Variants in GRIK1 observed in about 807,000 individuals in gnomAD.
GRIK1 encodes glutamate receptor ionotropic, kainate 1.
Under a neutral mutation model 105.7 loss-of-function variants are expected in GRIK1, and 69 were observed. That is an observed-to-expected ratio of 0.65 (90% confidence interval 0.54 to 0.80). The LOEUF is 0.80. Among genes scored for constraint, GRIK1 ranks in the 30% least tolerant of loss-of-function variants. GRIK1 has a pLI of 0.00. For missense variants in GRIK1, 1,109 were observed against 1,167.3 expected (o/e 0.95, Z 0.73); for synonymous variants, 438 against 431.3 (o/e 1.02, Z -0.19).
chr21:29,812,008 C>A (rs2067023218), intron 1 of GRIK1, among the ~76,000 whole-genome samples: 1 of 152,296 alleles, frequency 6.6e-6, no homozygotes, highest in East Asian at 1.9e-4. Context: ...TAAAATGGTT[C>A]ATCAACCCCA....
At chr21:29,931,174 C>T (rs1293526003) in intron 1 of GRIK1, among the ~76,000 whole-genome samples, 2 of 152,082 alleles carry the variant, frequency 1.3e-5, no homozygotes, top group Non-Finnish European at 2.9e-5. Flanking sequence ...TATTCAGAGT[C>T]CTTGGTTTTT....
At chr21:29,730,104 G>T (rs896470938) in intron 1 of GRIK1, among the ~76,000 whole-genome samples, 12 of 152,088 alleles carry the variant, frequency 7.9e-5, no homozygotes, top group Non-Finnish European at 1.6e-4. Flanking sequence ...ATGGCAGTTC[G>T]CCCAGTAATT....
rs1258173509 is a variant in GRIK1 at position 29,579,999 on chromosome 21, ATATATATGTATATATATGTG to A, written c.1912+1406_1912+1425del. ...TATATATATGTGTGTATATATATGT[ATATATATGTATATATATGTG>A]TATATATGTATATATGTGTATATAT... On this transcript the variant is annotated intron_variant, in intron 13 of 17. Transcript: ENST00000327783. 5.5e-5 allele frequency among the ~76,000 whole-genome samples: 8 copies of A among 145,582 alleles called. No homozygotes were observed. The East Asian group carries it at 9.8e-4, about 18-fold the overall frequency.
chr21:29,893,664 C>A (rs2069993249), intron 1 of GRIK1, among the ~76,000 whole-genome samples: 1 of 152,152 alleles, frequency 6.6e-6, no homozygotes. Context: ...TTGGTTAGTA[C>A]CGCTTGCGTG....
intron 1 of GRIK1, among the ~76,000 whole-genome samples, chr21:29,932,143 A>G (rs1473518079): frequency 3.3e-5 from 5 of 152,194 alleles, no homozygotes; most frequent in Non-Finnish European, 2.9e-5. Flanking sequence ...CTTTGCCAGG[A>G]TACTAGTAAA....
chr21:29,555,762 A>G (rs1273577482), intron 15 of GRIK1, among the ~76,000 whole-genome samples: 2 of 152,226 alleles, frequency 1.3e-5, no homozygotes, highest in Non-Finnish European at 2.9e-5. Context: ...AGAGCAGTCT[A>G]TTTGTGGCAA....
Position 29,689,851 on chromosome 21 carries a change from C to T in GRIK1, c.421G>A (p.Asp141Asn). Residue 141 changes from aspartate (D) to asparagine (N), a missense_variant, in exon 3 of 18, where the codon GAC becomes AAC. Asp to Asn is a conservative substitution (Grantham distance 23, BLOSUM62 1). Transcript: ENST00000327783. ...IQTRWKHPSVDNKDLFYINLY... is the reference protein window; with the variant it reads ...IQTRWKHPSVNNKDLFYINLY... ...TTGATGTAAAACAAATCTTTGTTGTCCACCGAGGGGTGTTTCCAGCGGGTC... is the reference window on the plus strand; with the variant it reads ...TTGATGTAAAACAAATCTTTGTTGTTCACCGAGGGGTGTTTCCAGCGGGTC... The T allele has an allele frequency of 6.2e-7, 1 of 1,613,962 alleles. No individual in the cohort carries two copies. Among genetic ancestry groups the T allele is most frequent in the East Asian group, 2.2e-5 (1 of 44,872 alleles).
intron 1 of GRIK1, among the ~76,000 whole-genome samples, chr21:29,830,313 ACACACAC>A (rs1569139518): frequency 0.014 from 1,575 of 114,668 alleles, 54 homozygotes; most frequent in African/African-American, 0.039. Context: ...CTCCCCACAC[ACACACAC>A]ACACACACAC....
chr21:29,709,582 T>C (rs1407158646), intron 1 of GRIK1, among the ~76,000 whole-genome samples: 10 of 152,210 alleles, frequency 6.6e-5, no homozygotes, highest in Admixed American at 6.5e-4. Flanking sequence ...CTTATAAATA[T>C]ATGGGGAAAT....
At chr21:29,755,633 G>A (rs1406608752) in intron 1 of GRIK1, among the ~76,000 whole-genome samples, 2 of 152,186 alleles carry the variant, frequency 1.3e-5, no homozygotes, top group South Asian at 2.1e-4. Flanking sequence ...AGAGATGGGA[G>A]GCAGGTGGAA....
chr21:29,683,436 A>G (rs1409724183), intron 3 of GRIK1, among the ~76,000 whole-genome samples: 2 of 152,270 alleles, frequency 1.3e-5, no homozygotes, highest in African/African-American at 4.8e-5. Context: ...ACAGAATACT[A>G]TGCAGCTATA....
chr21:29,689,821 A>T lies in GRIK1; in HGVS notation c.451T>A (p.Tyr151Asn), dbSNP rs574388445. Residue 151 changes from tyrosine to asparagine, a missense_variant, in exon 3 of 18, where the codon TAC becomes AAC. Tyr to Asn is a moderately radical substitution (Grantham distance 143, BLOSUM62 -2). This residue lies in a region of GRIK1 where 612 missense variants were observed against 586.0 expected (regional missense o/e 1.04). Transcript: ENST00000327783. ...CTGCTGATAGCTGCATAATCTGGGT[A>T]AAGGTTGATGTAAAACAAATCTTTG... is the stretch of plus-strand genomic sequence containing the variant. The part of the protein sequence containing the change: ...DNKDLFYINL[Y>N]PDYAAISRAI... The T allele has an allele frequency of 6.2e-7, 1 of 1,613,986 alleles. No homozygotes were observed. The highest frequency in any genetic ancestry group is 1.7e-5 in the Admixed American group (1 of 60,018).
chr21:29,587,016 A>G (rs1320687354), intron 12 of GRIK1, among the ~76,000 whole-genome samples: 1 of 152,164 alleles, frequency 6.6e-6, no homozygotes, highest in East Asian at 1.9e-4. Context: ...GGGGTCAAAT[A>G]TCTTGAGACC....
chr21:29,811,053 A>G (rs1169780584), intron 1 of GRIK1, among the ~76,000 whole-genome samples: 1 of 152,096 alleles, frequency 6.6e-6, no homozygotes, highest in Non-Finnish European at 1.5e-5. Flanking sequence ...GAATGCCTCT[A>G]TTTCATTCAG....
At chr21:29,719,752 C>T (rs2064275209) in intron 1 of GRIK1, among the ~76,000 whole-genome samples, 1 of 152,046 alleles carries the variant, frequency 6.6e-6, no homozygotes, top group African/African-American at 2.4e-5. Context: ...CACTGTTTCC[C>T]AAGGGGATCA....
intron 1 of GRIK1, among the ~76,000 whole-genome samples, chr21:29,901,013 C>G (rs943052754): frequency 1.3e-5 from 2 of 152,122 alleles, no homozygotes; most frequent in African/African-American, 4.8e-5. Context: ...TACATGGAAA[C>G]CGAACAACCT....
intron 1 of GRIK1, among the ~76,000 whole-genome samples, chr21:29,859,977 G>A (rs2068586500): frequency 6.6e-6 from 1 of 152,212 alleles, no homozygotes. Flanking sequence ...GGCACACTGT[G>A]TTTATTCAAT....
chr21:29,886,865 G>T (rs1360618007), intron 1 of GRIK1, among the ~76,000 whole-genome samples: 1 of 152,130 alleles, frequency 6.6e-6, no homozygotes, highest in East Asian at 1.9e-4. Flanking sequence ...TGGCAACTAA[G>T]CCTTTTTCAA....
chr21:29,658,365 C>T (rs181823053), intron 4 of GRIK1, among the ~76,000 whole-genome samples: 381 of 152,222 alleles, frequency 2.5e-3, no homozygotes, highest in Non-Finnish European at 4.3e-3. Flanking sequence ...TGAGTTCAAG[C>T]GATTCTCTTG....
Sources: allele counts gnomAD v4.1 joint callset (sites outside exome capture counted in the v4.1 genomes callset), GRCh38; gene constraint gnomAD v4.1.1; regional missense constraint gnomAD v4.1.1; transcripts MANE v1.5; gene names NCBI Gene and HGNC (gene_info 2026-07-23, HGNC 2026-07-21).